Variants in SLC22A24 observed in about 807,000 individuals in gnomAD.
SLC22A24 encodes the protein steroid transmembrane transporter SLC22A24.
In SLC22A24, 53 loss-of-function variants were observed where a neutral mutation model predicts 49.8. That is an observed-to-expected ratio of 1.06 (90% CI 0.85 to 1.34). SLC22A24 has a LOEUF of 1.34. Ranked by LOEUF, SLC22A24 falls within the 40% of genes most tolerant of loss-of-function variation. SLC22A24 has a pLI of 0.00. For synonymous variants in SLC22A24, 302 were observed against 256.4 expected (o/e 1.18, Z -1.70); for missense variants, 786 against 675.9 (o/e 1.16, Z -1.81).
At chr11:63,122,781 A>G (rs372690717) in intron 2 of SLC22A24, among the ~76,000 whole-genome samples, 5 of 152,220 alleles carry the variant, frequency 3.3e-5, no homozygotes, top group East Asian at 1.9e-4. Flanking sequence ...CGGCCTCCCA[A>G]AGTGCTGGGA....
chr11:63,081,540 G>T lies in SLC22A24; in HGVS notation c.1394+18C>A. On this transcript the variant is annotated intron_variant, in intron 8 of 9. Coordinates refer to ENST00000612278, the MANE Select transcript of SLC22A24 (RefSeq NM_001136506.2). ...AGAAATTTGTGTTTTGAAACCAGAT[G>T]GTCTTTAGCTCTTGTACCTCAATAT... The T allele has an allele frequency of 1.3e-6, 2 of 1,506,096 alleles. No homozygotes were observed. The highest frequency in any genetic ancestry group is 1.8e-6 in the Non-Finnish European group (2 of 1,105,762). 93.3% of individuals were successfully genotyped at this position (1,506,096 alleles called of 1,614,324 possible).
intron 2 of SLC22A24, among the ~76,000 whole-genome samples, chr11:63,125,570 G>T (rs1467319670): frequency 2.0e-5 from 3 of 152,122 alleles, no homozygotes; most frequent in African/African-American, 4.8e-5. Context: ...GTGGACATTT[G>T]GGTTGGTTCC....
chr11:63,130,969 G>A (rs1048120465), intron 2 of SLC22A24, among the ~76,000 whole-genome samples: 10 of 152,040 alleles, frequency 6.6e-5, no homozygotes, highest in African/African-American at 2.2e-4. Context: ...TGTATTGGGT[G>A]TATATATATT....
chr11:63,100,063 A>G (rs1327417738), intron 5 of SLC22A24, among the ~76,000 whole-genome samples: 4 of 152,196 alleles, frequency 2.6e-5, no homozygotes, highest in Non-Finnish European at 4.4e-5. Flanking sequence ...ATAGTACTGG[A>G]AATCCTAGCT....
intron 4 of SLC22A24, among the ~76,000 whole-genome samples, chr11:63,115,294 G>A (rs1436768682): frequency 6.6e-6 from 1 of 152,202 alleles, no homozygotes; most frequent in Non-Finnish European, 1.5e-5. Context: ...CCCCCATGAG[G>A]CTACTGCCTT....
At chr11:63,087,574 C>A (rs1436771352) in intron 6 of SLC22A24, among the ~76,000 whole-genome samples, 2 of 152,276 alleles carry the variant, frequency 1.3e-5, no homozygotes, top group South Asian at 2.1e-4. Context: ...AAGACAGAAC[C>A]ATTTACTCCC....
At chr11:63,122,388 G>A (rs1163852162) in intron 2 of SLC22A24, among the ~76,000 whole-genome samples, 3 of 152,134 alleles carry the variant, frequency 2.0e-5, no homozygotes, top group African/African-American at 7.2e-5. Context: ...CATCAATGAG[G>A]ATTATCCTTT....
intron 7 of SLC22A24, among the ~76,000 whole-genome samples, 151 bp from the exon 8 acceptor site, chr11:63,081,817 G>A (rs1018440725): frequency 6.6e-6 from 1 of 152,176 alleles, no homozygotes; most frequent in Non-Finnish European, 1.5e-5. Context: ...ATGGTTGCGA[G>A]GCTGAGAAAT....
chr11:63,122,411 TG>T (rs1403527404), intron 2 of SLC22A24, among the ~76,000 whole-genome samples: 1 of 152,248 alleles, frequency 6.6e-6, no homozygotes, highest in Non-Finnish European at 1.5e-5. Context: ...TTATGGTAAC[TG>T]TTTAAGATTT....
intron 5 of SLC22A24, among the ~76,000 whole-genome samples, chr11:63,096,452 A>G (rs2087055751): frequency 1.3e-5 from 2 of 152,192 alleles, no homozygotes; most frequent in African/African-American, 4.8e-5. Context: ...TGGGCATGAA[A>G]TACTTGTCCT....
intron 2 of SLC22A24, among the ~76,000 whole-genome samples, chr11:63,132,348 G>A (rs2087342792): frequency 6.6e-6 from 1 of 152,162 alleles, no homozygotes; most frequent in African/African-American, 2.4e-5. Context: ...TGAACCTTTG[G>A]AGGAGAAGAG....
chr11:63,087,021 G>GGCGT (rs1555045301), intron 6 of SLC22A24, among the ~76,000 whole-genome samples: 2 of 113,646 alleles, frequency 1.8e-5, no homozygotes, highest in Non-Finnish European at 3.7e-5. Flanking sequence ...CTGCCTGGAG[G>GGCGT]GCGCACACAC....
At chr11:63,115,258 A>T (rs1006927807) in intron 4 of SLC22A24, among the ~76,000 whole-genome samples, 6 of 152,180 alleles carry the variant, frequency 3.9e-5, no homozygotes, top group Non-Finnish European at 2.9e-5. Context: ...TACCTACTCA[A>T]GCCTCAGCAA....
intron 9 of SLC22A24, 65 bp from the exon 10 acceptor site, chr11:63,080,065 A>C: frequency 1.3e-5 from 14 of 1,067,826 alleles, no homozygotes; most frequent in Non-Finnish European, 2.0e-5. Context: ...ATATAGATTA[A>C]GCATATATAT....
intron 4 of SLC22A24, among the ~76,000 whole-genome samples, chr11:63,105,074 T>TA (rs1279914581): frequency 1.3e-5 from 2 of 152,200 alleles, no homozygotes; most frequent in Non-Finnish European, 2.9e-5. Flanking sequence ...AGTCAAATAT[T>TA]AAAGCTCCAA....
At chr11:63,117,381 A>T (rs1043877203) in intron 4 of SLC22A24, among the ~76,000 whole-genome samples, 1 of 152,192 alleles carries the variant, frequency 6.6e-6, no homozygotes, top group Non-Finnish European at 1.5e-5. Flanking sequence ...TGCAACCAAT[A>T]CTTCTCCCAG....
chr11:63,143,436 G>T lies in SLC22A24; in HGVS notation c.344C>A (p.Pro115His), dbSNP rs1590754760. ...FPNTNEPDTE[P>H]CVDGWVYDRS... ...GTCGTACACCCAGCCATCCACACAG[G>T]GCTCCGTGTCTGGCTCATTTGTGTT... The change falls in exon 1 of 10, where the codon CCC becomes CAC. Residue 115 changes from proline to histidine, a missense_variant. Coordinates refer to ENST00000612278, the MANE Select transcript of SLC22A24 (RefSeq NM_001136506.2). 1 of 1,562,388 alleles carries T rather than the reference G, an allele frequency of 6.4e-7. No homozygotes were observed. Among genetic ancestry groups the T allele is most frequent in the Non-Finnish European group, 8.6e-7 (1 of 1,157,398 alleles).
intron 1 of SLC22A24, among the ~76,000 whole-genome samples, chr11:63,138,104 C>A (rs1298560259): frequency 6.6e-6 from 1 of 152,092 alleles, no homozygotes; most frequent in Non-Finnish European, 1.5e-5. Flanking sequence ...GGGTTTAGGA[C>A]CTCTATAAGC....
chr11:63,100,390 A>G (rs952622443), intron 5 of SLC22A24, among the ~76,000 whole-genome samples: 2 of 152,166 alleles, frequency 1.3e-5, no homozygotes, highest in African/African-American at 2.4e-5. Flanking sequence ...AATGAAAACT[A>G]TAAAGCACTG....
Sources: gnomAD v4.1 joint callset for allele counts (sites outside exome capture counted in the v4.1 genomes callset) on GRCh38, gnomAD v4.1.1 for gene constraint, MANE v1.5 for transcripts, NCBI Gene and HGNC (gene_info 2026-07-23, HGNC 2026-07-21) for gene names.